Variants in CDH22 observed in about 807,000 individuals in gnomAD.
CDH22 encodes the protein cadherin 22.
Under a neutral mutation model 58.4 loss-of-function variants are expected in CDH22, and 30 were observed. That is an observed-to-expected ratio of 0.51 (90% confidence interval 0.38 to 0.70). CDH22 has a LOEUF of 0.70. CDH22 is among the 30% of genes least tolerant of loss of function. The pLI, the probability that CDH22 is intolerant of heterozygous loss-of-function variation, is 0.00. For missense variants in CDH22, 1,014 were observed against 1,233.9 expected (o/e 0.82, Z 2.67); for synonymous variants, 513 against 558.2 (o/e 0.92, Z 1.14).
chr20:46,176,741 G>A (rs1336961868), intron 11 of CDH22, among the ~76,000 whole-genome samples: 1 of 152,262 alleles, frequency 6.6e-6, no homozygotes, highest in African/African-American at 2.4e-5. Context: ...CACAGGGAAG[G>A]AAGGTGTCAG....
chr20:46,294,683 TC>T (rs1429179147), intron 1 of CDH22, among the ~76,000 whole-genome samples: 1 of 151,666 alleles, frequency 6.6e-6, no homozygotes, highest in African/African-American at 2.4e-5. Flanking sequence ...TCCACAGGGC[TC>T]CCCCCAACCT....
intron 8 of CDH22, among the ~76,000 whole-genome samples, chr20:46,193,763 C>A (rs928282018): frequency 1.3e-5 from 2 of 152,164 alleles, no homozygotes; most frequent in Non-Finnish European, 2.9e-5. Context: ...ACACAGGGGG[C>A]TTTCTGCTGG....
intron 7 of CDH22, among the ~76,000 whole-genome samples, chr20:46,205,187 T>C (rs898742430): frequency 1.3e-5 from 2 of 152,064 alleles, no homozygotes; most frequent in African/African-American, 4.8e-5. Context: ...GAAAATTGTA[T>C]GTGGTTAACA....
intron 4 of CDH22, among the ~76,000 whole-genome samples, chr20:46,218,763 C>T (rs1406443692): frequency 1.3e-5 from 2 of 152,044 alleles, no homozygotes; most frequent in Non-Finnish European, 2.9e-5. Flanking sequence ...TGGGGGTGAC[C>T]GCAAGATTAA....
intron 1 of CDH22, among the ~76,000 whole-genome samples, chr20:46,254,796 C>T (rs952798441): frequency 6.6e-6 from 1 of 152,028 alleles, no homozygotes; most frequent in African/African-American, 2.4e-5. Flanking sequence ...TGGGCTGAGT[C>T]TGGAAGGATG....
rs113751607 is a variant in CDH22, at chr20:46,233,418, T to G, written c.551-5791A>C. 3.5e-3 allele frequency among the ~76,000 whole-genome samples: 527 copies of G among 152,362 alleles called. 2 individuals are homozygous for G. Among genetic ancestry groups the G allele is most frequent in the African/African-American group, 0.012 (510 of 41,584 alleles). ...TCAACATTTACCAGGCCCTCTGTTA[T>G]GCAATCTAGTGACTTTGTTTGTTTC... On this transcript the variant is annotated intron_variant, in intron 3 of 11. Coordinates refer to ENST00000537909, the MANE Select transcript of CDH22 (RefSeq NM_021248.3).
At chr20:46,299,790 A>G (rs545585014) in intron 1 of CDH22, among the ~76,000 whole-genome samples, 126 of 152,312 alleles carry the variant, frequency 8.3e-4, no homozygotes, top group Non-Finnish European at 1.2e-3. Context: ...CTGAGGCAGA[A>G]GTTCACTCAG....
At chr20:46,197,811 G>A (rs1279792491) in intron 8 of CDH22, among the ~76,000 whole-genome samples, 3 of 152,156 alleles carry the variant, frequency 2.0e-5, no homozygotes, top group East Asian at 3.8e-4. Flanking sequence ...TGAAAGAGAC[G>A]AAGGGAACTT....
chr20:46,215,598 G>C (rs2086078286), intron 5 of CDH22, among the ~76,000 whole-genome samples: 1 of 152,170 alleles, frequency 6.6e-6, no homozygotes, highest in Non-Finnish European at 1.5e-5. Flanking sequence ...GGTGGTCATA[G>C]GATTGTTTGC....
At chr20:46,178,945 G>A (rs1160719492) in intron 10 of CDH22, among the ~76,000 whole-genome samples, 3 of 152,192 alleles carry the variant, frequency 2.0e-5, no homozygotes, top group Non-Finnish European at 2.9e-5. Context: ...CACATAGGCG[G>A]CCAGAGAGGA....
intron 7 of CDH22, among the ~76,000 whole-genome samples, chr20:46,206,490 C>G (rs2086002861): frequency 6.6e-6 from 1 of 152,206 alleles, no homozygotes; most frequent in Non-Finnish European, 1.5e-5. Flanking sequence ...TAGGCAAAGT[C>G]TCCCAGGATG....
At chr20:46,188,919 T>G (rs1343002319) in intron 8 of CDH22, among the ~76,000 whole-genome samples, 1 of 152,116 alleles carries the variant, frequency 6.6e-6, no homozygotes, top group Admixed American at 6.5e-5. Flanking sequence ...CTGGCTGGGC[T>G]GGCAGGGAGC....
chr20:46,211,357 TG>T (rs2086042230), intron 6 of CDH22, among the ~76,000 whole-genome samples: 1 of 152,120 alleles, frequency 6.6e-6, no homozygotes, highest in African/African-American at 2.4e-5. Context: ...ACCCTGTGTA[TG>T]GGGTCCCCCC....
intron 11 of CDH22, among the ~76,000 whole-genome samples, chr20:46,177,294 T>C (rs2085748041): frequency 6.6e-6 from 1 of 152,202 alleles, no homozygotes; most frequent in Non-Finnish European, 1.5e-5. Flanking sequence ...ACAGGTGGCA[T>C]ATGGCCATTC....
chr20:46,229,644 C>T (rs926778220), intron 3 of CDH22, among the ~76,000 whole-genome samples: 8 of 152,210 alleles, frequency 5.3e-5, no homozygotes, highest in African/African-American at 1.9e-4. Flanking sequence ...GTGCCTGAAC[C>T]ATGCCAAGAA....
At chr20:46,274,170 C>A (rs1600723709) in intron 1 of CDH22, among the ~76,000 whole-genome samples, 1 of 152,242 alleles carries the variant, frequency 6.6e-6, no homozygotes, top group South Asian at 2.1e-4. Context: ...GATGCTGATT[C>A]TTCTTTAAAC....
chr20:46,280,593 G>C (rs1217078546), intron 1 of CDH22, among the ~76,000 whole-genome samples: 5 of 152,168 alleles, frequency 3.3e-5, no homozygotes, highest in African/African-American at 4.8e-5. Context: ...CTATGGTCTG[G>C]GGGCTGCCTT....
chr20:46,207,478 T>A (rs555829000), intron 7 of CDH22, among the ~76,000 whole-genome samples: 1 of 152,268 alleles, frequency 6.6e-6, no homozygotes, highest in South Asian at 2.1e-4. Context: ...GTGCCCTTCC[T>A]GGAGAGGTCT....
At chr20:46,280,565 G>A (rs1041536408) in intron 1 of CDH22, among the ~76,000 whole-genome samples, 85 of 152,154 alleles carry the variant, frequency 5.6e-4, no homozygotes, top group Non-Finnish European at 9.3e-4. Flanking sequence ...CATCTGAACC[G>A]GCCCTAAAGA....
Sources: allele counts gnomAD v4.1 joint callset (sites outside exome capture counted in the v4.1 genomes callset), GRCh38; gene constraint gnomAD v4.1.1; transcripts MANE v1.5; gene names NCBI Gene and HGNC (gene_info 2026-07-23, HGNC 2026-07-21).